Variants in SLC9A9 observed in about 807,000 individuals in gnomAD.
SLC9A9 encodes sodium/hydrogen exchanger 9.
In SLC9A9, 62 loss-of-function variants were observed where a neutral mutation model predicts 77.8. The ratio of observed to expected loss-of-function variants is 0.80; its 90% CI spans 0.65 to 0.98. The LOEUF (loss-of-function observed/expected upper bound fraction) is 0.98, where lower values mean the gene tolerates loss of function less well. Among genes scored for constraint, SLC9A9 ranks in the 50% least tolerant of loss-of-function variants. The pLI is 0.00. For missense variants in SLC9A9, 775 were observed against 774.9 expected (o/e 1.00, Z 0.00); for synonymous variants, 320 against 283.5 (o/e 1.13, Z -1.29).
At chr3:143,606,436 C>CTCTCTATATATATATATATA (rs1419410834) in intron 6 of SLC9A9, among the ~76,000 whole-genome samples, 37 of 54,200 alleles carry the variant, frequency 6.8e-4, no homozygotes, top group African/African-American at 8.4e-4. Context: ...CTCTCTCTCT[C>CTCTCTATATATATATATATA]TATATATATA....
intron 9 of SLC9A9, among the ~76,000 whole-genome samples, chr3:143,499,054 C>A (rs543118676): frequency 6.6e-6 from 1 of 152,246 alleles, no homozygotes; most frequent in East Asian, 1.9e-4. Flanking sequence ...TTTCCCAAAG[C>A]GGTGGTATCA....
chr3:143,723,433 G>T (rs1244340913), intron 4 of SLC9A9, among the ~76,000 whole-genome samples: 1 of 152,066 alleles, frequency 6.6e-6, no homozygotes, highest in Non-Finnish European at 1.5e-5. Context: ...GGATGGTGAT[G>T]GATAGCACCT....
intron 12 of SLC9A9, among the ~76,000 whole-genome samples, chr3:143,449,961 AAT>A (rs1237563152): frequency 1.5e-4 from 11 of 71,610 alleles, no homozygotes; most frequent in Admixed American, 4.4e-4. Flanking sequence ...TACATTATAT[AAT>A]ATATATAATA....
intron 14 of SLC9A9, among the ~76,000 whole-genome samples, chr3:143,336,598 A>G (rs1421237349): frequency 6.6e-6 from 1 of 152,214 alleles, no homozygotes; most frequent in Non-Finnish European, 1.5e-5. Flanking sequence ...ATGCTACAAC[A>G]TAGATGAAGC....
Position 143,651,309 on chromosome 3 carries a change from G to A in SLC9A9, c.755+946C>T, listed in dbSNP as rs545298563. On this transcript the variant is annotated intron_variant, in intron 6 of 15. Transcript: ENST00000316549. ...TATAAGTATATTTGGAGACACACTTGAAAATTGTTGAATTCACTGTCAACT... is the reference window on the plus strand; with the variant it reads ...TATAAGTATATTTGGAGACACACTTAAAAATTGTTGAATTCACTGTCAACT... Among the ~76,000 whole-genome samples the A allele has an allele frequency of 3.3e-5, 5 of 152,192 alleles. No homozygotes were observed. In the South Asian group the frequency reaches 1.0e-3, roughly 32 times the overall value.
At chr3:143,781,825 T>C (rs761168567) in intron 4 of SLC9A9, among the ~76,000 whole-genome samples, 16 of 152,218 alleles carry the variant, frequency 1.1e-4, no homozygotes, top group Non-Finnish European at 1.5e-5. Flanking sequence ...GGAAACTTTC[T>C]TTACAGCTAC....
At chr3:143,456,300 T>C (rs1304628657) in intron 12 of SLC9A9, among the ~76,000 whole-genome samples, 2 of 152,166 alleles carry the variant, frequency 1.3e-5, no homozygotes, top group Admixed American at 6.5e-5. Context: ...CTTGATATTC[T>C]AGTATTCTGT....
intron 13 of SLC9A9, among the ~76,000 whole-genome samples, chr3:143,365,402 G>C (rs538157883): frequency 1.3e-5 from 2 of 152,242 alleles, no homozygotes; most frequent in African/African-American, 4.8e-5. Context: ...ACCTGCACAT[G>C]TATACTTGAA....
chr3:143,341,962 G>A (rs2032112815), intron 14 of SLC9A9, among the ~76,000 whole-genome samples: 1 of 152,152 alleles, frequency 6.6e-6, no homozygotes, highest in African/African-American at 2.4e-5. Context: ...GAAGAGCCCT[G>A]AAAGCTGAGT....
intron 11 of SLC9A9, among the ~76,000 whole-genome samples, chr3:143,481,989 A>C (rs935564016): frequency 2.6e-5 from 4 of 152,174 alleles, no homozygotes; most frequent in Non-Finnish European, 4.4e-5. Flanking sequence ...CAAAGTGTCA[A>C]ATTGGATTCT....
At chr3:143,670,008 A>G (rs1257011414) in intron 5 of SLC9A9, among the ~76,000 whole-genome samples, 1 of 152,202 alleles carries the variant, frequency 6.6e-6, no homozygotes, top group African/African-American at 2.4e-5. Context: ...ACTTAAAAAT[A>G]ACTTCAAATG....
intron 9 of SLC9A9, among the ~76,000 whole-genome samples, chr3:143,516,630 T>C (rs1230448724): frequency 6.6e-6 from 1 of 152,210 alleles, no homozygotes; most frequent in Non-Finnish European, 1.5e-5. Flanking sequence ...ATTAGAGCAT[T>C]ACTGATGACA....
chr3:143,371,787 A>G (rs547540378), intron 13 of SLC9A9, among the ~76,000 whole-genome samples: 1 of 152,206 alleles, frequency 6.6e-6, no homozygotes, highest in East Asian at 1.9e-4. Flanking sequence ...GTAACTGTTC[A>G]CTGAGGATAT....
chr3:143,323,871 G>T (rs2031496691), intron 14 of SLC9A9, among the ~76,000 whole-genome samples: 1 of 152,120 alleles, frequency 6.6e-6, no homozygotes, highest in South Asian at 2.1e-4. Context: ...GCACCCTGAG[G>T]ATACTGATAT....
In SLC9A9 at chr3:143,565,904, C is replaced by T. The variant is rs116557105; in HGVS notation, c.1000+8184G>A. Among the ~76,000 whole-genome samples, 729 of 152,138 alleles carry T rather than the reference C, an allele frequency of 4.8e-3. 7 individuals are homozygous for T. The highest frequency in any genetic ancestry group is 0.017 in the African/African-American group (706 of 41,504). ...TTTGAGAAACAATTCAAACGAAGTC[C>T]CCTCCTGGAGATTTGTTTTATTTAC... On this transcript the variant is annotated intron_variant, in intron 8 of 15. Transcript: ENST00000316549.
chr3:143,843,366 A>G (rs1315063020), intron 1 of SLC9A9, among the ~76,000 whole-genome samples: 3 of 152,212 alleles, frequency 2.0e-5, no homozygotes, highest in African/African-American at 7.2e-5. Flanking sequence ...TAATTTTTCA[A>G]TCCTTGATGA....
chr3:143,512,737 G>A (rs186683565), intron 9 of SLC9A9, among the ~76,000 whole-genome samples: 3 of 152,118 alleles, frequency 2.0e-5, no homozygotes, highest in Non-Finnish European at 2.9e-5. Flanking sequence ...TCAGCTGGTC[G>A]TGGTGGTGGG....
intron 4 of SLC9A9, among the ~76,000 whole-genome samples, chr3:143,785,895 C>T (rs1176984339): frequency 4.7e-5 from 6 of 128,314 alleles, no homozygotes; most frequent in South Asian, 2.5e-4. Flanking sequence ...TTCGCTCTGT[C>T]GCCCAGGCTG....
chr3:143,387,716 C>T (rs2108502458), intron 12 of SLC9A9, among the ~76,000 whole-genome samples: 1 of 151,860 alleles, frequency 6.6e-6, no homozygotes, highest in African/African-American at 2.4e-5. Flanking sequence ...TCCTATTGCA[C>T]TTCCACTCTT....
Sources: gnomAD v4.1 joint callset for allele counts (sites outside exome capture counted in the v4.1 genomes callset) on GRCh38, gnomAD v4.1.1 for gene constraint, MANE v1.5 for transcripts, NCBI Gene and HGNC (gene_info 2026-07-23, HGNC 2026-07-21) for gene names.